The following CBLL1 variants were observed in gnomAD, a reference collection of about 807,000 sequenced individuals.
CBLL1 encodes Cbl proto-oncogene like 1.
CBLL1 carries 4 observed loss-of-function variants against 44.9 expected under a neutral mutation model. The ratio of observed to expected loss-of-function variants is 0.09; its 90% CI spans 0.04 to 0.20. CBLL1 has a LOEUF of 0.20. Among genes scored for constraint, CBLL1 ranks in the 10% least tolerant of loss-of-function variants. CBLL1 has a pLI of 1.00. For synonymous variants in CBLL1, 235 were observed against 202.2 expected (o/e 1.16, Z -1.38); for missense variants, 569 against 636.7 (o/e 0.89, Z 1.14).
intron 2 of CBLL1, among the ~76,000 whole-genome samples, chr7:107,752,869 A>G (rs1049724444): frequency 2.0e-5 from 3 of 152,216 alleles, no homozygotes; most frequent in East Asian, 1.9e-4. Flanking sequence ...AAATATGAAT[A>G]TGTTAAAGTG....
chr7:107,747,774 G>C (rs1432500726), intron 1 of CBLL1, among the ~76,000 whole-genome samples: 5 of 152,272 alleles, frequency 3.3e-5, no homozygotes, highest in Non-Finnish European at 5.9e-5. Context: ...TTGTGTGTCT[G>C]TAATCCTAGT....
At position 107,758,532 on chromosome 7, in the gene CBLL1, T is replaced by A; in HGVS notation, c.830T>A (p.Val277Asp). Residue 277 changes from valine (V) to aspartate (D), a missense_variant, in exon 6 of 6, where the codon GTC (valine) becomes GAC (aspartate). By Grantham distance (152) the Val-to-Asp change is radical. Around this residue, in one of 5 missense-constraint regions of CBLL1, gnomAD observed 111 missense variants for 113.0 expected, o/e 0.98. Transcript: ENST00000440859. The surrounding 1 kb of genome is among the most constrained non-coding windows in gnomAD (Gnocchi z 4.2). ...LSMAPPPPRS[V>D]SQETFRISTR... ...ATGGCTCCACCTCCACCTCGATCGG[T>A]CAGTCAGGAAACCTTTCGTATTTCA... The A allele has an allele frequency of 6.2e-7, 1 of 1,613,528 alleles. No homozygotes were observed. The highest frequency in any genetic ancestry group is 8.5e-7 in the Non-Finnish European group (1 of 1,179,878).
chr7:107,752,985 CTT>C (rs1023232892), intron 2 of CBLL1, among the ~76,000 whole-genome samples: 2 of 152,158 alleles, frequency 1.3e-5, no homozygotes, highest in East Asian at 1.9e-4. Flanking sequence ...CAATCAGTCT[CTT>C]AGCATACCAT....
rs754835620 is a variant in CBLL1, at chr7:107,758,428, A to G, written c.726A>G (p.Pro242=). Reference sequence around the variant, plus strand: ...CAAAGCAGCACATCATGATGCCACCACCTCCTTTGCAACATGTGCCACATG... The same window carrying G: ...CAAAGCAGCACATCATGATGCCACCGCCTCCTTTGCAACATGTGCCACATG... ...IPPKQHIMMP[P]PPLQHVPHEH... The change falls in exon 6 of 6, where the codon CCA becomes CCG. Residue 242 remains proline (P), a synonymous_variant. Coordinates refer to ENST00000440859, the MANE Select transcript of CBLL1 (RefSeq NM_024814.4). The surrounding 1 kb of genome is among the most constrained non-coding windows in gnomAD (Gnocchi z 4.2). The G allele has an allele frequency of 1.2e-6, 2 of 1,613,750 alleles. No individual in the cohort carries two copies. Among genetic ancestry groups the G allele is most frequent in the Non-Finnish European group, 8.5e-7 (1 of 1,179,964 alleles).
rs1406711493 is a variant in CBLL1, at chr7:107,760,603, C to T, written c.*1425C>T. The T allele has an allele frequency of 6.6e-6, 1 of 152,096 alleles. No homozygotes were observed. 9.4% of individuals were successfully genotyped at this position (152,096 alleles called of 1,614,324 possible). On this transcript the variant is annotated 3_prime_UTR_variant, in exon 6 of 6. Transcript: ENST00000440859. ...ACATTCTTAGGATATTATTTATATCCTTTGAATAAATCCCTGTGAAGTTTT... is the reference window on the plus strand; with the variant it reads ...ACATTCTTAGGATATTATTTATATCTTTTGAATAAATCCCTGTGAAGTTTT...
chr7:107,757,305 G>A (rs1793570688), intron 5 of CBLL1, among the ~76,000 whole-genome samples: 1 of 152,126 alleles, frequency 6.6e-6, no homozygotes, highest in Non-Finnish European at 1.5e-5. Flanking sequence ...GAAGTAGGTA[G>A]ATACTTTAAC....
intron 2 of CBLL1, among the ~76,000 whole-genome samples, chr7:107,751,302 T>C (rs945645850): frequency 5.9e-5 from 9 of 152,188 alleles, no homozygotes; most frequent in Admixed American, 2.6e-4. Context: ...AGAGGTCAAG[T>C]GGTAATGCTC....
At chr7:107,746,960 A>G (rs1460431932) in intron 1 of CBLL1, among the ~76,000 whole-genome samples, 1 of 152,232 alleles carries the variant, frequency 6.6e-6, no homozygotes, top group Non-Finnish European at 1.5e-5. Context: ...ATGATATGGA[A>G]GTGTTGTGCC....
rs1488471297 is a variant in CBLL1 at position 107,761,457 on chromosome 7, G to A, written c.*2279G>A. Reference sequence around the variant, plus strand: ...TGAATTCATCAATTGTTTGAATGAGGGTGGGTGGGTAGAAGGATAACAAAA... The same window carrying A: ...TGAATTCATCAATTGTTTGAATGAGAGTGGGTGGGTAGAAGGATAACAAAA... On this transcript the variant is annotated 3_prime_UTR_variant, in exon 6 of 6. Coordinates refer to ENST00000440859, the MANE Select transcript of CBLL1 (RefSeq NM_024814.4). The A allele has an allele frequency of 2.0e-5, 3 of 152,136 alleles. No individual in the cohort carries two copies. The highest frequency in any genetic ancestry group is 7.2e-5 in the African/African-American group (3 of 41,436). 9.4% of individuals were successfully genotyped at this position (152,136 alleles called of 1,614,324 possible).
intron 2 of CBLL1, among the ~76,000 whole-genome samples, chr7:107,752,337 T>C (rs972798703): frequency 6.6e-6 from 1 of 152,164 alleles, no homozygotes; most frequent in Admixed American, 6.5e-5. Context: ...ATCCTGACTT[T>C]GGATTATACA....
At position 107,753,985 on chromosome 7, in the gene CBLL1, A is replaced by G. The variant is rs1307807015; in HGVS notation, c.366+7A>G. ...TAAAATCTATGGGAGAATGGTAAGT[A>G]TAATTAAATATTGTTTTTGTAAGTA... On this transcript the variant is annotated splice_region_variant and intron_variant, in intron 4 of 5. Coordinates refer to ENST00000440859, the MANE Select transcript of CBLL1 (RefSeq NM_024814.4). 1.3e-6 allele frequency: 2 copies of G among 1,518,922 alleles called. No individual in the cohort carries two copies. The highest frequency in any genetic ancestry group is 1.2e-5 in the South Asian group (1 of 84,020). 94.1% of individuals were successfully genotyped at this position (1,518,922 alleles called of 1,614,324 possible). A position where few individuals can be genotyped will look rare whatever the true frequency, so the allele number is the denominator to read the frequency against.
rs993112504 is a variant in CBLL1, at chr7:107,760,167, T to C, written c.*989T>C. 3.9e-5 allele frequency: 6 copies of C among 152,270 alleles called. No individual in the cohort carries two copies. The highest frequency in any genetic ancestry group is 1.4e-4 in the African/African-American group (6 of 41,458). 9.4% of individuals were successfully genotyped at this position (152,270 alleles called of 1,614,324 possible). A position where few individuals can be genotyped will look rare whatever the true frequency, so the allele number is the denominator to read the frequency against. On this transcript the variant is annotated 3_prime_UTR_variant, in exon 6 of 6. Coordinates refer to ENST00000440859, the MANE Select transcript of CBLL1 (RefSeq NM_024814.4). The stretch of plus-strand genomic sequence containing the variant: ...TTCTTCATTTCATGGTAGAGTTTGA[T>C]GCTGTGTTTAAGTGGGTTCTTGTTT...
At position 107,761,362 on chromosome 7, in the gene CBLL1, A is replaced by G. The variant is rs1400280486; in HGVS notation, c.*2184A>G. 4.6e-5 allele frequency: 7 copies of G among 152,264 alleles called. 1 individual carries two copies. The South Asian group carries it at 1.0e-3, about 23-fold the overall frequency. 9.4% of individuals were successfully genotyped at this position (152,264 alleles called of 1,614,324 possible). A position where few individuals can be genotyped will look rare whatever the true frequency, so the allele number is the denominator to read the frequency against. ...ATTTATTTTCAATTAGGTTTAAGAA[A>G]TCTATGTTATGCAGGGAGGCATATC... On this transcript the variant is annotated 3_prime_UTR_variant, in exon 6 of 6. Coordinates refer to ENST00000440859, the MANE Select transcript of CBLL1 (RefSeq NM_024814.4).
At chr7:107,755,974 A>G (rs1416005412) in intron 5 of CBLL1, among the ~76,000 whole-genome samples, 3 of 152,142 alleles carry the variant, frequency 2.0e-5, no homozygotes, top group African/African-American at 7.2e-5. Context: ...ACACAGATAC[A>G]TATATATAGT....
intron 1 of CBLL1, among the ~76,000 whole-genome samples, 165 bp from the exon 2 acceptor site, chr7:107,748,715 G>C (rs752573961): frequency 2.6e-4 from 40 of 152,068 alleles, no homozygotes; most frequent in Non-Finnish European, 2.8e-4. Flanking sequence ...CTTAAGTGTT[G>C]ATCCAAAATA....
intron 5 of CBLL1, 101 bp downstream of exon 5, chr7:107,755,592 G>A: frequency 1.7e-6 from 1 of 583,796 alleles, no homozygotes; most frequent in Non-Finnish European, 2.9e-6. Context: ...TCAGGCAGGA[G>A]ATGAAACATA....
Position 107,758,913 on chromosome 7 carries a change from C to T in CBLL1, c.1211C>T (p.Pro404Leu), listed in dbSNP as rs747963861. Residue 404 changes from proline to leucine, a missense_variant, in exon 6 of 6, where the codon CCA (proline) becomes CTA (leucine). Coordinates refer to ENST00000440859, the MANE Select transcript of CBLL1 (RefSeq NM_024814.4). This position sits in a 1 kb window ranked among gnomAD's most constrained non-coding sequence, Gnocchi z 4.2. ...CCACCTTATATGAATCATCCTCCTC[C>T]AGGACCTCCCCCACCTCAACATGGT... is the stretch of plus-strand genomic sequence containing the variant. ...QMPPYMNHPP[P>L]GPPPPQHGGP... 1.9e-6 allele frequency: 3 copies of T among 1,613,866 alleles called. No homozygotes were observed. The highest frequency in any genetic ancestry group is 1.7e-5 in the Admixed American group (1 of 59,982).
rs748816577 is a variant in CBLL1, at chr7:107,758,327, A to G, written c.625A>G (p.Ile209Val). The change falls in exon 6 of 6, where the codon ATT (isoleucine) becomes GTT (valine). Residue 209 changes from isoleucine to valine, a missense_variant. Coordinates refer to ENST00000440859, the MANE Select transcript of CBLL1 (RefSeq NM_024814.4). This position sits in a 1 kb window ranked among gnomAD's most constrained non-coding sequence, Gnocchi z 4.2. Reference sequence around the variant, plus strand: ...TTCACTTGAAAATGTTCATCCTCCTATTGCCCCACCACCAACTGAAATCCC... The same window carrying G: ...TTCACTTGAAAATGTTCATCCTCCTGTTGCCCCACCACCAACTGAAATCCC... ...RASLENVHPP[I>V]APPPTEIPER... 16 of 1,613,964 alleles carry G rather than the reference A, an allele frequency of 9.9e-6. No homozygotes were observed. The highest frequency in any genetic ancestry group is 2.7e-5 in the African/African-American group (2 of 74,952).
chr7:107,758,899 G>T lies in CBLL1; in HGVS notation c.1197G>T (p.Met399Ile). The T allele has an allele frequency of 6.2e-7, 1 of 1,613,724 alleles. No individual in the cohort carries two copies. The highest frequency in any genetic ancestry group is 8.5e-7 in the Non-Finnish European group (1 of 1,179,916). ...GHIIAQMPPY[M>I]NHPPPGPPPP... ...TTATTGCCCAGATGCCACCTTATATGAATCATCCTCCTCCAGGACCTCCCC... is the reference window on the plus strand; with the variant it reads ...TTATTGCCCAGATGCCACCTTATATTAATCATCCTCCTCCAGGACCTCCCC... Residue 399 changes from methionine (M) to isoleucine (I), a missense_variant, in exon 6 of 6, where the codon ATG (methionine) becomes ATT (isoleucine). By Grantham distance (10) the Met-to-Ile change is conservative (BLOSUM62 1). This residue lies in a region of CBLL1 where 228 missense variants were observed against 253.2 expected (regional missense o/e 0.90). Transcript: ENST00000440859. The surrounding 1 kb of genome is among the most constrained non-coding windows in gnomAD (Gnocchi z 4.2).
Sources: gnomAD v4.1 joint callset for allele counts (sites outside exome capture counted in the v4.1 genomes callset) on GRCh38, gnomAD v4.1.1 for gene constraint, gnomAD v4.1.1 regional missense constraint, Gnocchi (gnomAD v3.1) non-coding constraint, MANE v1.5 for transcripts, NCBI Gene and HGNC (gene_info 2026-07-23, HGNC 2026-07-21) for gene names.